The following SCAPER variants were observed in gnomAD, a reference collection of about 807,000 sequenced individuals.
SCAPER encodes the protein S phase cyclin A-associated protein in the endoplasmic reticulum.
SCAPER carries 98 observed loss-of-function variants against 182.2 expected under a neutral mutation model. The observed-to-expected ratio is 0.54, with a 90% CI of 0.46 to 0.64. The LOEUF is 0.64. Ranked by LOEUF, SCAPER falls within the 30% of genes least tolerant of loss-of-function variation. The probability of loss-of-function intolerance (pLI) is 0.00; values close to 1 mark genes in which losing one functional copy is unlikely to be tolerated. For synonymous variants in SCAPER, 605 were observed against 564.6 expected (o/e 1.07, Z -1.01); for missense variants, 1,432 against 1,690.0 (o/e 0.85, Z 2.68).
At chr15:76,447,603 A>G (rs1007055147) in intron 25 of SCAPER, among the ~76,000 whole-genome samples, 1 of 152,184 alleles carries the variant, frequency 6.6e-6, no homozygotes, top group Non-Finnish European at 1.5e-5. Flanking sequence ...ACCCCTAAAC[A>G]TCTGAGGTCA....
intron 25 of SCAPER, among the ~76,000 whole-genome samples, chr15:76,438,356 A>G (rs573659100): frequency 6.6e-6 from 1 of 152,028 alleles, no homozygotes; most frequent in Admixed American, 6.6e-5. Context: ...TACTAATCTC[A>G]TTATTTAGAA....
At chr15:76,665,512 G>T in intron 21 of SCAPER, 141 bp downstream of exon 21, 2 of 962,304 alleles carry the variant, frequency 2.1e-6, no homozygotes, top group Non-Finnish European at 2.9e-6. Context: ...AAGGAAAGTG[G>T]CTATAAATTA....
At chr15:76,443,855 TTCTGAAGAC>T (rs1210903191) in intron 25 of SCAPER, among the ~76,000 whole-genome samples, 8 of 152,160 alleles carry the variant, frequency 5.3e-5, no homozygotes, top group Admixed American at 6.5e-5. Flanking sequence ...ACCAGTATGA[TTCTGAAGAC>T]AAAGCACAAT....
At chr15:76,622,428 A>G (rs1005829218) in intron 21 of SCAPER, among the ~76,000 whole-genome samples, 3 of 152,042 alleles carry the variant, frequency 2.0e-5, no homozygotes, top group African/African-American at 7.2e-5. Flanking sequence ...AAAAAAAAAT[A>G]CTCCTACCTA....
intron 23 of SCAPER, among the ~76,000 whole-genome samples, chr15:76,554,190 G>A (rs1476664646): frequency 6.6e-6 from 1 of 152,116 alleles, no homozygotes; most frequent in Non-Finnish European, 1.5e-5. Context: ...TAAGACAATC[G>A]CCAAGTATTA....
At chr15:76,435,344 G>T (rs1464534568) in intron 25 of SCAPER, among the ~76,000 whole-genome samples, 2 of 151,978 alleles carry the variant, frequency 1.3e-5, no homozygotes, top group Non-Finnish European at 2.9e-5. Context: ...CAAAATTTTT[G>T]GTTTCACTGA....
chr15:76,593,737 T>G lies in SCAPER; in HGVS notation c.2712-19453A>C, dbSNP rs555826863. On this transcript the variant is annotated intron_variant, in intron 22 of 31. Transcript: ENST00000563290. Reference sequence around the variant, plus strand: ...GCAGACCTGAAGTACAGGGGCCTGATTGTTAGAAGAAAAACTGACAGACAG... The same window carrying G: ...GCAGACCTGAAGTACAGGGGCCTGAGTGTTAGAAGAAAAACTGACAGACAG... 1.8e-4 allele frequency among the ~76,000 whole-genome samples: 22 copies of G among 121,368 alleles called. 4 individuals are homozygous for G. The highest frequency in any genetic ancestry group is 5.5e-4 in the African/African-American group (22 of 39,832). 79.6% of individuals were successfully genotyped at this position (121,368 alleles called of 152,430 possible).
intron 20 of SCAPER, among the ~76,000 whole-genome samples, chr15:76,685,515 GT>G (rs1173768184): frequency 6.6e-6 from 1 of 151,836 alleles, no homozygotes; most frequent in Non-Finnish European, 1.5e-5. Context: ...AAACTAACAG[GT>G]AAAAAATACC....
intron 21 of SCAPER, among the ~76,000 whole-genome samples, chr15:76,656,677 C>T (rs1223422541): frequency 6.6e-6 from 1 of 151,990 alleles, no homozygotes; most frequent in East Asian, 1.9e-4. Context: ...ATTCAAAAAC[C>T]CAAAATCATA....
chr15:76,883,875 TC>T lies in SCAPER; in HGVS notation c.-59del. 1 of 1,291,814 alleles carries T rather than the reference TC, an allele frequency of 7.7e-7. No individual in the cohort carries two copies. Among genetic ancestry groups the T allele is most frequent in the African/African-American group, 1.5e-5 (1 of 65,814 alleles). 80.0% of individuals were successfully genotyped at this position (1,291,814 alleles called of 1,614,324 possible). On this transcript the variant is annotated splice_region_variant and 5_prime_UTR_variant, in exon 2 of 32. Coordinates refer to ENST00000563290, the MANE Select transcript of SCAPER (RefSeq NM_020843.4). ...ATCACATAAACCCATGGAGTATGAC[TC>T]CTACAATAAAAAATATATATACGCT... is the stretch of plus-strand genomic sequence containing the variant.
At chr15:76,805,174 A>G (rs950132029) in intron 5 of SCAPER, among the ~76,000 whole-genome samples, 6 of 152,180 alleles carry the variant, frequency 3.9e-5, no homozygotes, top group African/African-American at 1.4e-4. Flanking sequence ...TTCATTTATC[A>G]TTTGATAAAT....
intron 21 of SCAPER, among the ~76,000 whole-genome samples, chr15:76,625,025 A>G (rs1444535656): frequency 1.3e-5 from 2 of 152,162 alleles, no homozygotes; most frequent in African/African-American, 4.8e-5. Flanking sequence ...GGTGATGGCA[A>G]TGACAGGTTG....
At chr15:76,756,834 G>A (rs184702257) in intron 14 of SCAPER, among the ~76,000 whole-genome samples, 1 of 152,236 alleles carries the variant, frequency 6.6e-6, no homozygotes, top group African/African-American at 2.4e-5. Context: ...TTCAGAAAAA[G>A]AAACTGAAAT....
intron 23 of SCAPER, among the ~76,000 whole-genome samples, chr15:76,560,290 A>G (rs747348429): frequency 6.6e-6 from 1 of 152,204 alleles, no homozygotes; most frequent in African/African-American, 2.4e-5. Flanking sequence ...AAACTTACAA[A>G]GGTTAATAAA....
In SCAPER at chr15:76,597,270, G is replaced by A. The variant is rs1375226409; in HGVS notation, c.2712-22986C>T. On this transcript the variant is annotated intron_variant, in intron 22 of 31. Coordinates refer to ENST00000563290, the MANE Select transcript of SCAPER (RefSeq NM_020843.4). ...CACGGGATGTGAAGGACCTCTTCAA[G>A]GAGAACTACAAACCACTACTCCACA... Among the ~76,000 whole-genome samples, 9 of 121,144 alleles carry A rather than the reference G, an allele frequency of 7.4e-5. 1 individual carries two copies. The highest frequency in any genetic ancestry group is 2.3e-4 in the African/African-American group (9 of 39,578). The allele number at this position is 121,144 out of a possible 152,430, so 79.5% of individuals were successfully genotyped here.
intron 20 of SCAPER, among the ~76,000 whole-genome samples, chr15:76,679,251 CTA>C (rs1344295895): frequency 5.3e-5 from 8 of 152,100 alleles, no homozygotes; most frequent in Non-Finnish European, 8.8e-5. Context: ...CATCTTTTAC[CTA>C]TGTTTCCCTA....
intron 5 of SCAPER, among the ~76,000 whole-genome samples, chr15:76,807,865 C>T (rs1026237137): frequency 2.3e-4 from 35 of 151,836 alleles, no homozygotes; most frequent in African/African-American, 6.8e-4. Flanking sequence ...TTCTTATGTC[C>T]GTTTTTATTG....
At chr15:76,886,566 T>A (rs1430784680) in intron 1 of SCAPER, among the ~76,000 whole-genome samples, 1 of 152,206 alleles carries the variant, frequency 6.6e-6, no homozygotes, top group Non-Finnish European at 1.5e-5. Context: ...GGTGGGAGTG[T>A]AAATGAAGTT....
chr15:76,759,619 A>G (rs574512787), intron 14 of SCAPER, among the ~76,000 whole-genome samples: 1 of 152,288 alleles, frequency 6.6e-6, no homozygotes, highest in East Asian at 1.9e-4. Flanking sequence ...ATTGGCCTAT[A>G]TTGTGTGGAG....
Sources: allele counts gnomAD v4.1 joint callset (sites outside exome capture counted in the v4.1 genomes callset), GRCh38; gene constraint gnomAD v4.1.1; transcripts MANE v1.5; gene names NCBI Gene and HGNC (gene_info 2026-07-23, HGNC 2026-07-21).